The following NUBP1 variants were observed in gnomAD, a reference collection of about 807,000 sequenced individuals.
NUBP1 encodes cytosolic Fe-S cluster assembly factor NUBP1.
In NUBP1, 46 loss-of-function variants were observed where a neutral mutation model predicts 41.8. The ratio of observed to expected loss-of-function variants is 1.10; its 90% CI spans 0.87 to 1.41. The LOEUF (loss-of-function observed/expected upper bound fraction) is 1.41. Among genes scored for constraint, NUBP1 ranks in the 40% most tolerant of loss-of-function variants. The pLI is 0.00. For missense variants in NUBP1, 494 were observed against 414.0 expected, an observed-to-expected ratio of 1.19 and a Z score of -1.68; for synonymous variants, 189 against 154.6, an observed-to-expected ratio of 1.22 and a Z score of -1.65.
chr16:10,754,709 T>C (rs1323483582), intron 4 of NUBP1, among the ~76,000 whole-genome samples: 1 of 152,070 alleles, frequency 6.6e-6, no homozygotes, highest in African/African-American at 2.4e-5. Flanking sequence ...TGGTGACAGC[T>C]GAGGGGTATA....
At chr16:10,752,728 T>C (rs2142696116) in intron 4 of NUBP1, 50 bp downstream of exon 4, 1 of 1,453,620 alleles carries the variant, frequency 6.9e-7, no homozygotes, top group African/African-American at 1.4e-5. Context: ...AGGCAAACTC[T>C]GTAGCACTGA....
intron 7 of NUBP1, 135 bp downstream of exon 7, chr16:10,758,162 T>C: frequency 9.9e-7 from 1 of 1,013,928 alleles, no homozygotes; most frequent in Non-Finnish European, 1.4e-6. Context: ...CTGATGTGGG[T>C]CTGCAGAAAC....
chr16:10,761,383 T>A lies in NUBP1; in HGVS notation c.626T>A (p.Val209Asp). The A allele has an allele frequency of 6.2e-7, 1 of 1,614,070 alleles. No homozygotes were observed. Among genetic ancestry groups the A allele is most frequent in the Non-Finnish European group, 8.5e-7 (1 of 1,179,934 alleles). Reference protein sequence around the residue: ...TTPQEVSLQDVRKEINFCRKV... With the variant: ...TTPQEVSLQDDRKEINFCRKV... ...TCGTAGGAGGTGTCACTCCAGGATG[T>A]CCGGAAAGAAATCAACTTCTGCCGC... is the stretch of plus-strand genomic sequence containing the variant. The change falls in exon 8 of 11, where the codon GTC becomes GAC. Residue 209 changes from valine to aspartate, a missense_variant. By Grantham distance (152) the Val-to-Asp change is radical. Coordinates refer to ENST00000283027, the MANE Select transcript of NUBP1 (RefSeq NM_002484.4).
Position 10,766,756 on chromosome 16 carries a change from T to C in NUBP1, c.821-1193T>C. The C allele has an allele frequency of 2.5e-6, 1 of 396,004 alleles. No homozygotes were observed. Among genetic ancestry groups the C allele is most frequent in the Non-Finnish European group, 4.4e-6 (1 of 224,956 alleles). The allele number at this position is 396,004 out of a possible 1,614,324, so 24.5% of individuals were successfully genotyped here. ...GGAGAACGGGCCTGAGAATAGGGGC[T>C]CAAAGGCCCCATTACAGAGTTTTTG... On this transcript the variant is annotated intron_variant, in intron 9 of 10. Coordinates refer to ENST00000283027, the MANE Select transcript of NUBP1 (RefSeq NM_002484.4). This position sits in a 1 kb window ranked among gnomAD's most constrained non-coding sequence, Gnocchi z 4.8.
chr16:10,763,617 G>A (rs911495195), intron 9 of NUBP1: 5 of 152,358 alleles, frequency 3.3e-5, no homozygotes, highest in African/African-American at 1.2e-4. Context: ...GGCCCCTGGA[G>A]GCAGTTGGGC....
At position 10,768,210 on chromosome 16, in the gene NUBP1, TAATTC is replaced by T. The variant is rs2031186558; in HGVS notation, c.904+180_904+184del. 2.0e-6 allele frequency: 1 copy of T among 498,932 alleles called. No individual in the cohort carries two copies. The highest frequency in any genetic ancestry group is 3.6e-5 in the Admixed American group (1 of 27,824). The allele number at this position is 498,932 out of a possible 1,614,324, so 30.9% of individuals were successfully genotyped here. On this transcript the variant is annotated intron_variant, in intron 10 of 10. Transcript: ENST00000283027. This position sits in a 1 kb window ranked among gnomAD's most constrained non-coding sequence, Gnocchi z 4.3. ...CTCTCAATGTGTGAGTATTGTGAAT[TAATTC>T]ATAGTTTAAAAAACATGGTGAGGGT...
intron 3 of NUBP1, among the ~76,000 whole-genome samples, chr16:10,747,685 C>T (rs1464077007): frequency 1.3e-5 from 2 of 152,196 alleles, no homozygotes; most frequent in Admixed American, 6.5e-5. Flanking sequence ...TCTTTGGAAT[C>T]TCAATCCGGC....
Position 10,767,220 on chromosome 16 carries a change from G to A in NUBP1, c.821-729G>A. Reference sequence around the variant, plus strand: ...CGACTGGGGGCTGGCAGGGCAGACTGGAGGCGAGAACACCCCCATTGACCC... The same window carrying A: ...CGACTGGGGGCTGGCAGGGCAGACTAGAGGCGAGAACACCCCCATTGACCC... On this transcript the variant is annotated intron_variant, in intron 9 of 10. Transcript: ENST00000283027. The surrounding 1 kb of genome is among the most constrained non-coding windows in gnomAD (Gnocchi z 4.6). The A allele has an allele frequency of 2.5e-6, 1 of 399,786 alleles. No individual in the cohort carries two copies. Among genetic ancestry groups the A allele is most frequent in the Non-Finnish European group, 4.4e-6 (1 of 227,046 alleles). The allele number at this position is 399,786 out of a possible 1,614,324, so 24.8% of individuals were successfully genotyped here.
At position 10,757,253 on chromosome 16, in the gene NUBP1, C is replaced by G. The variant is rs958243090; in HGVS notation, c.451+473C>G. 1.3e-5 allele frequency among the ~76,000 whole-genome samples: 2 copies of G among 152,124 alleles called. No individual in the cohort carries two copies. Among genetic ancestry groups the G allele is most frequent in the African/African-American group, 4.8e-5 (2 of 41,410 alleles). Reference sequence around the variant, plus strand: ...GTTGCAGTGAGCCAAGATCATGCCACTGCACTCCAGCCTGTGTGACAGAGC... The same window carrying G: ...GTTGCAGTGAGCCAAGATCATGCCAGTGCACTCCAGCCTGTGTGACAGAGC... On this transcript the variant is annotated intron_variant, in intron 6 of 10. Coordinates refer to ENST00000283027, the MANE Select transcript of NUBP1 (RefSeq NM_002484.4). This position sits in a 1 kb window ranked among gnomAD's most constrained non-coding sequence, Gnocchi z 4.1.
intron 4 of NUBP1, among the ~76,000 whole-genome samples, chr16:10,753,379 C>T (rs1900410955): frequency 6.6e-6 from 1 of 152,158 alleles, no homozygotes; most frequent in Non-Finnish European, 1.5e-5. Flanking sequence ...CCCTTGTGGT[C>T]TCCCCTGGGG....
intron 7 of NUBP1, chr16:10,760,845 A>G (rs977468808): frequency 6.5e-6 from 1 of 154,550 alleles, no homozygotes; most frequent in Non-Finnish European, 1.4e-5. Context: ...CTAAATAAAT[A>G]TGGATTTGGC....
intron 4 of NUBP1, among the ~76,000 whole-genome samples, chr16:10,754,784 C>G (rs553983058): frequency 6.6e-6 from 1 of 152,112 alleles, no homozygotes; most frequent in East Asian, 1.9e-4. Flanking sequence ...GTGGCTCACA[C>G]CTGCAATCCC....
chr16:10,762,097 G>A, intron 9 of NUBP1: 1 of 439,544 alleles, frequency 2.3e-6, no homozygotes. Flanking sequence ...AGGCCTGGAA[G>A]AATGGGGTAG....
intron 2 of NUBP1, 145 bp downstream of exon 2, chr16:10,744,210 AGGGGC>A: frequency 1.3e-6 from 1 of 784,592 alleles, no homozygotes. Context: ...GGGGCCCAGA[AGGGGC>A]GGGGCGTGGA....
At chr16:10,758,927 T>C (rs369519632) in intron 7 of NUBP1, among the ~76,000 whole-genome samples, 31 of 152,296 alleles carry the variant, frequency 2.0e-4, no homozygotes, top group Middle Eastern at 3.4e-3. Context: ...TCTCTGTAAG[T>C]CCTGCAGAGA....
At chr16:10,744,171 G>T (rs1899950880) in intron 2 of NUBP1, 106 bp downstream of exon 2, 2 of 1,144,922 alleles carry the variant, frequency 1.7e-6, no homozygotes, top group South Asian at 3.0e-5. Flanking sequence ...ACAGCGGCAG[G>T]CTAGAAGGTA....
chr16:10,751,275 A>G (rs1304576887), intron 3 of NUBP1, among the ~76,000 whole-genome samples: 4 of 152,226 alleles, frequency 2.6e-5, no homozygotes, highest in Non-Finnish European at 5.9e-5. Flanking sequence ...GAAAGTCTCT[A>G]TCACAGTCAT....
chr16:10,750,603 G>A (rs1900274045), intron 3 of NUBP1, among the ~76,000 whole-genome samples: 1 of 152,226 alleles, frequency 6.6e-6, no homozygotes, highest in Admixed American at 6.5e-5. Context: ...AACAAGGTCA[G>A]CACTAGGTGT....
At chr16:10,762,558 C>T (rs530835212) in intron 9 of NUBP1, among the ~76,000 whole-genome samples, 5 of 152,326 alleles carry the variant, frequency 3.3e-5, no homozygotes, top group Admixed American at 6.5e-5. Context: ...CGGAGCCGGG[C>T]GGGCCTCCGT....
Sources: allele counts gnomAD v4.1 joint callset (sites outside exome capture counted in the v4.1 genomes callset), GRCh38; gene constraint gnomAD v4.1.1; non-coding constraint Gnocchi (gnomAD v3.1); transcripts MANE v1.5; gene names NCBI Gene and HGNC (gene_info 2026-07-23, HGNC 2026-07-21).